The following SLC5A1 variants were observed in gnomAD, a reference collection of about 807,000 sequenced individuals.
The protein encoded by SLC5A1 is solute carrier family 5 member 1.
A neutral mutation model predicts 73.5 loss-of-function variants in SLC5A1; 42 were observed. The ratio of observed to expected loss-of-function variants is 0.57; its 90% CI spans 0.45 to 0.74. SLC5A1 has a LOEUF of 0.74. SLC5A1 is among the 30% of genes least tolerant of loss of function. The pLI is 0.00. For synonymous variants in SLC5A1, 300 were observed against 317.4 expected (o/e 0.95, Z 0.58); for missense variants, 634 against 855.4 (o/e 0.74, Z 3.23).
chr22:32,109,542 G>A (rs2094052459), intron 14 of SLC5A1, among the ~76,000 whole-genome samples: 1 of 152,186 alleles, frequency 6.6e-6, no homozygotes. Context: ...ATGGACAGAT[G>A]TAACCAACGC....
chr22:32,097,448 A>G (rs1011974851), intron 11 of SLC5A1, among the ~76,000 whole-genome samples: 2 of 152,194 alleles, frequency 1.3e-5, no homozygotes, highest in South Asian at 4.1e-4. Flanking sequence ...AAAAGGAATC[A>G]CAGTCATCTT....
At chr22:32,061,479 C>G (rs1347296433) in intron 2 of SLC5A1, among the ~76,000 whole-genome samples, 10 of 151,784 alleles carry the variant, frequency 6.6e-5, no homozygotes, top group Admixed American at 6.6e-4. Flanking sequence ...GGTAGTTTTC[C>G]CTTTAGAGGA....
intron 7 of SLC5A1, among the ~76,000 whole-genome samples, chr22:32,083,868 G>T (rs1193352083): frequency 6.6e-6 from 1 of 152,144 alleles, no homozygotes; most frequent in Admixed American, 6.5e-5. Context: ...CTCCCCAGCA[G>T]GCCTTGGGTG....
chr22:32,069,612 C>A (rs977491399), intron 5 of SLC5A1, among the ~76,000 whole-genome samples: 3 of 151,932 alleles, frequency 2.0e-5, no homozygotes, highest in Non-Finnish European at 4.4e-5. Context: ...CTGAGCCATC[C>A]CATAATATAT....
At chr22:32,071,163 A>G (rs1176930556) in intron 5 of SLC5A1, among the ~76,000 whole-genome samples, 1 of 152,222 alleles carries the variant, frequency 6.6e-6, no homozygotes, top group African/African-American at 2.4e-5. Context: ...AGATATAATG[A>G]TAACGAGGCT....
intron 14 of SLC5A1, among the ~76,000 whole-genome samples, chr22:32,105,728 G>A (rs1432222814): frequency 2.0e-5 from 3 of 151,952 alleles, no homozygotes; most frequent in Non-Finnish European, 2.9e-5. Context: ...CCCATCCCCA[G>A]ACCCCCACTA....
intron 9 of SLC5A1, among the ~76,000 whole-genome samples, 199 bp downstream of exon 9, chr22:32,085,234 G>C (rs2094006216): frequency 6.6e-6 from 1 of 151,920 alleles, no homozygotes; most frequent in South Asian, 2.1e-4. Context: ...TGACCTTCCT[G>C]CTTCAGCCTC....
chr22:32,077,981 C>A (rs1473930564), intron 5 of SLC5A1, among the ~76,000 whole-genome samples: 1 of 152,184 alleles, frequency 6.6e-6, no homozygotes, highest in African/African-American at 2.4e-5. Flanking sequence ...CCAATATTTT[C>A]ATATTTTGGC....
chr22:32,108,480 CT>C (rs1428415621), intron 14 of SLC5A1, among the ~76,000 whole-genome samples: 4 of 152,098 alleles, frequency 2.6e-5, no homozygotes, highest in African/African-American at 4.8e-5. Context: ...ATTACTCCTT[CT>C]TTCCCACTCT....
Position 32,081,897 on chromosome 22 carries a change from A to C in SLC5A1, c.509A>C (p.Asn170Thr). 1 of 1,613,504 alleles carries C rather than the reference A, an allele frequency of 6.2e-7. No individual in the cohort carries two copies. The highest frequency in any genetic ancestry group is 8.5e-7 in the Non-Finnish European group (1 of 1,179,720). ...ATCTTCTCGGGGGCCATATTCATCA[A>C]TCTGGCCTTAGGCCTGAATCTGTAT... Reference protein sequence around the residue: ...ADIFSGAIFINLALGLNLYLA... With the variant: ...ADIFSGAIFITLALGLNLYLA... The change falls in exon 6 of 15, where the codon AAT becomes ACT. Residue 170 changes from asparagine (N) to threonine (T), a missense_variant. Asn to Thr is a moderately conservative substitution (Grantham distance 65). Coordinates refer to ENST00000266088, the MANE Select transcript of SLC5A1 (RefSeq NM_000343.4).
chr22:32,051,694 A>G (rs1281087441), intron 2 of SLC5A1, among the ~76,000 whole-genome samples: 3 of 152,062 alleles, frequency 2.0e-5, no homozygotes, highest in African/African-American at 7.2e-5. Flanking sequence ...AAAAAACAAA[A>G]ACAACAACAA....
At chr22:32,070,071 G>GTCCTTGCCA (rs2093980242) in intron 5 of SLC5A1, among the ~76,000 whole-genome samples, 1 of 152,012 alleles carries the variant, frequency 6.6e-6, no homozygotes. Flanking sequence ...CTAGCCTGCT[G>GTCCTTGCCA]TCCTTGCCAA....
At chr22:32,079,137 A>G (rs1023852943) in intron 5 of SLC5A1, among the ~76,000 whole-genome samples, 2 of 152,106 alleles carry the variant, frequency 1.3e-5, no homozygotes, top group African/African-American at 4.8e-5. Flanking sequence ...CAAACAAACA[A>G]ACAAACAAAA....
chr22:32,094,871 T>G (rs2094023825), intron 11 of SLC5A1, among the ~76,000 whole-genome samples: 1 of 152,076 alleles, frequency 6.6e-6, no homozygotes, highest in Admixed American at 6.6e-5. Flanking sequence ...GTTATTTCCT[T>G]TCTTCTGCTG....
At chr22:32,073,545 G>GT (rs995236438) in intron 5 of SLC5A1, among the ~76,000 whole-genome samples, 13 of 151,682 alleles carry the variant, frequency 8.6e-5, no homozygotes, top group East Asian at 3.9e-4. Flanking sequence ...CAGGGTTGGT[G>GT]TTTTTTTTGT....
At chr22:32,085,200 C>T (rs1293673568) in intron 9 of SLC5A1, among the ~76,000 whole-genome samples, 165 bp downstream of exon 9, 1 of 152,160 alleles carries the variant, frequency 6.6e-6, no homozygotes, top group Non-Finnish European at 1.5e-5. Context: ...ACTGCAGTCT[C>T]CAACTCTAAC....
intron 5 of SLC5A1, among the ~76,000 whole-genome samples, chr22:32,079,114 GAAGAA>G (rs1031161062): frequency 2.6e-5 from 4 of 151,998 alleles, no homozygotes; most frequent in African/African-American, 4.8e-5. Context: ...CTCTGAACAT[GAAGAA>G]AAGAAAACAA....
chr22:32,058,467 T>C (rs923728548), intron 2 of SLC5A1, among the ~76,000 whole-genome samples: 1 of 152,226 alleles, frequency 6.6e-6, no homozygotes, highest in African/African-American at 2.4e-5. Context: ...GTAAATGACA[T>C]AGCAATGAAC....
chr22:32,108,822 C>T (rs184344654), intron 14 of SLC5A1, among the ~76,000 whole-genome samples: 71 of 152,260 alleles, frequency 4.7e-4, no homozygotes, highest in African/African-American at 1.6e-3. Flanking sequence ...AATTCTGACT[C>T]GTGTGAACTT....
Sources: allele counts gnomAD v4.1 joint callset (sites outside exome capture counted in the v4.1 genomes callset), GRCh38; gene constraint gnomAD v4.1.1; transcripts MANE v1.5; gene names NCBI Gene and HGNC (gene_info 2026-07-23, HGNC 2026-07-21).